Variants in SHANK2 observed in about 807,000 individuals in gnomAD.
SHANK2 encodes SH3 and multiple ankyrin repeat domains protein 2.
SHANK2 carries 43 observed loss-of-function variants against 133.7 expected under a neutral mutation model. That is an observed-to-expected ratio of 0.32 (90% confidence interval 0.25 to 0.41). SHANK2 has a LOEUF of 0.41. SHANK2 is among the 10% of genes least tolerant of loss of function. The pLI is 1.00. For synonymous variants in SHANK2, 1,017 were observed against 952.8 expected (o/e 1.07, Z -1.24); for missense variants, 1,994 against 2,235.8 (o/e 0.89, Z 2.18).
At chr11:70,918,451 A>G (rs1555080231) in intron 10 of SHANK2, among the ~76,000 whole-genome samples, 1 of 152,218 alleles carries the variant, frequency 6.6e-6, no homozygotes, top group Non-Finnish European at 1.5e-5. Context: ...TGCCAGTCGA[A>G]GTGGAATTGG....
rs1402033381 is a variant in SHANK2 at position 70,807,233 on chromosome 11, C to G, written c.1494-62G>C. 1.4e-6 allele frequency: 1 copy of G among 693,378 alleles called. No homozygotes were observed. Among genetic ancestry groups the G allele is most frequent in the Non-Finnish European group, 2.6e-6 (1 of 379,704 alleles). The allele number at this position is 693,378 out of a possible 1,614,324, so 43.0% of individuals were successfully genotyped here. On this transcript the variant is annotated intron_variant, in intron 12 of 25. Transcript: ENST00000601538. The surrounding 1 kb of genome is among the most constrained non-coding windows in gnomAD (Gnocchi z 4.8). ...GAGTCACAAGGTCACAAGCCACATGCCACAAACCACAGCCAAGCCATTCAA... is the reference window on the plus strand; with the variant it reads ...GAGTCACAAGGTCACAAGCCACATGGCACAAACCACAGCCAAGCCATTCAA...
At chr11:70,717,932 TGAC>T (rs1945978480) in intron 14 of SHANK2, among the ~76,000 whole-genome samples, 1 of 152,172 alleles carries the variant, frequency 6.6e-6, no homozygotes, top group South Asian at 2.1e-4. Context: ...TTCACAAATT[TGAC>T]TTCTGGGGAC....
At chr11:70,865,015 G>C (rs1188005477) in intron 11 of SHANK2, 1 of 152,240 alleles carries the variant, frequency 6.6e-6, no homozygotes, top group Non-Finnish European at 1.5e-5. Context: ...AACGGAGTGA[G>C]AGTGTCTTAA....
At position 70,592,186 on chromosome 11, in the gene SHANK2, G is replaced by A. The variant is rs560173392; in HGVS notation, c.2061+67642C>T. On this transcript the variant is annotated intron_variant, in intron 17 of 25. Transcript: ENST00000601538. Reference sequence around the variant, plus strand: ...GGCTGTGAATTGATGTGTGCTGACCGCCGGCCTCCTCACTCTACCTGCTCC... The same window carrying A: ...GGCTGTGAATTGATGTGTGCTGACCACCGGCCTCCTCACTCTACCTGCTCC... Among the ~76,000 whole-genome samples the A allele has an allele frequency of 1.9e-4, 29 of 152,162 alleles. No homozygotes were observed. In the South Asian group the frequency reaches 4.8e-3, roughly 25 times the overall value.
At chr11:71,109,742 G>A (rs555724186) in intron 6 of SHANK2, among the ~76,000 whole-genome samples, 199 bp downstream of exon 6, 10 of 152,386 alleles carry the variant, frequency 6.6e-5, no homozygotes, top group South Asian at 2.1e-4. Flanking sequence ...CACGCAAGAT[G>A]CTGGGGATGC....
At chr11:71,087,894 G>A in intron 8 of SHANK2, among the ~76,000 whole-genome samples, 1 of 152,290 alleles carries the variant, frequency 6.6e-6, no homozygotes. Flanking sequence ...CTCCCAAAGT[G>A]CTGGGATTAC....
At position 70,876,210 on chromosome 11, in the gene SHANK2, CAT is replaced by C. The variant is rs1469561942; in HGVS notation, c.1174+20289_1174+20290del. ...CACACGTATATACATAATATACACA[CAT>C]GTATATACATAATACACACACACAC... On this transcript the variant is annotated intron_variant, in intron 11 of 25. Transcript: ENST00000601538. Among the ~76,000 whole-genome samples, 3 of 143,958 alleles carry C rather than the reference CAT, an allele frequency of 2.1e-5. No individual in the cohort carries two copies. The East Asian group carries it at 6.2e-4, about 30-fold the overall frequency. 94.4% of individuals were successfully genotyped at this position (143,958 alleles called of 152,430 possible).
intron 17 of SHANK2, among the ~76,000 whole-genome samples, chr11:70,586,195 C>T (rs1336950451): frequency 6.6e-6 from 1 of 152,024 alleles, no homozygotes; most frequent in Non-Finnish European, 1.5e-5. Context: ...ATGTAACTGT[C>T]AGGACTGAAT....
At chr11:70,730,981 A>C (rs1297260509) in intron 14 of SHANK2, among the ~76,000 whole-genome samples, 1 of 152,096 alleles carries the variant, frequency 6.6e-6, no homozygotes, top group Non-Finnish European at 1.5e-5. Flanking sequence ...CAAAAAGAAA[A>C]TCTCATACCC....
intron 15 of SHANK2, among the ~76,000 whole-genome samples, chr11:70,675,898 C>T (rs1944897365): frequency 6.6e-6 from 1 of 152,216 alleles, no homozygotes; most frequent in African/African-American, 2.4e-5. Context: ...ACAGTTCACA[C>T]CCCATGCTGG....
chr11:70,604,738 C>T (rs1442372477), intron 17 of SHANK2: 1 of 152,304 alleles, frequency 6.6e-6, no homozygotes, highest in Non-Finnish European at 1.5e-5. Flanking sequence ...TTTTCATAAA[C>T]AAAACCACTG....
At chr11:70,502,722 AG>A (rs2059074098) in intron 18 of SHANK2, 73 bp downstream of exon 18, 2 of 704,830 alleles carry the variant, frequency 2.8e-6, no homozygotes, top group African/African-American at 4.4e-5. Flanking sequence ...ACTGCCCCCC[AG>A]CTGTCCTGCC....
chr11:70,763,996 G>A (rs1190461545), intron 14 of SHANK2, among the ~76,000 whole-genome samples: 5 of 152,038 alleles, frequency 3.3e-5, no homozygotes, highest in Admixed American at 6.6e-5. Context: ...TCAGAGCTGT[G>A]GGAATCATAG....
chr11:70,603,961 C>T (rs954560773), intron 17 of SHANK2: 1 of 152,630 alleles, frequency 6.6e-6, no homozygotes, highest in African/African-American at 2.4e-5. Flanking sequence ...AATATTTAAC[C>T]ACAGGCACTG....
intron 2 of SHANK2, among the ~76,000 whole-genome samples, chr11:71,196,549 G>A (rs1555116225): frequency 6.6e-6 from 1 of 151,724 alleles, no homozygotes; most frequent in Non-Finnish European, 1.5e-5. Flanking sequence ...CTCCCAAAGT[G>A]CTGGAATTGT....
At chr11:70,493,888 G>C (rs943039901) in intron 21 of SHANK2, among the ~76,000 whole-genome samples, 4 of 152,224 alleles carry the variant, frequency 2.6e-5, no homozygotes, top group Non-Finnish European at 5.9e-5. Flanking sequence ...TATTGTGCAA[G>C]TTAGAGCTGA....
chr11:70,670,121 T>A (rs1364346261), intron 15 of SHANK2, among the ~76,000 whole-genome samples: 2 of 152,118 alleles, frequency 1.3e-5, no homozygotes, highest in Non-Finnish European at 2.9e-5. Flanking sequence ...GTGCGTTTAT[T>A]GCCCCTGAAA....
chr11:71,247,347 T>C lies in SHANK2; in HGVS notation c.-113+5078A>G, dbSNP rs76371928. 6.1e-3 allele frequency among the ~76,000 whole-genome samples: 930 copies of C among 152,278 alleles called. 17 individuals carry two copies. In the East Asian group the frequency reaches 0.07, roughly 11 times the overall value. On this transcript the variant is annotated intron_variant, in intron 1 of 25. Coordinates refer to ENST00000601538, the MANE Select transcript of SHANK2 (RefSeq NM_012309.5). ...AAAATTTTAGACGTTGACTTTAAAA[T>C]GTGTGAGAAGCTTGGTAAATGATGA...
At chr11:70,636,573 GTA>G (rs5792527) in intron 17 of SHANK2, among the ~76,000 whole-genome samples, 69 of 56,624 alleles carry the variant, frequency 1.2e-3, no homozygotes, top group Middle Eastern at 0.014. Flanking sequence ...GCATGTGTGT[GTA>G]TGAATGTGAG....
Sources: allele counts gnomAD v4.1 joint callset (sites outside exome capture counted in the v4.1 genomes callset), GRCh38; gene constraint gnomAD v4.1.1; non-coding constraint Gnocchi (gnomAD v3.1); transcripts MANE v1.5; gene names NCBI Gene and HGNC (gene_info 2026-07-23, HGNC 2026-07-21).